The following A2ML1 variants were observed in gnomAD, a reference collection of about 807,000 sequenced individuals.
A2ML1 encodes alpha-2-macroglobulin-like protein 1.
A2ML1 carries 161 observed loss-of-function variants against 181.9 expected under a neutral mutation model. The observed-to-expected ratio is 0.89, with a 90% CI of 0.78 to 1.01. A2ML1 has a LOEUF of 1.01. Among genes scored for constraint, A2ML1 ranks in the 50% least tolerant of loss-of-function variants. The pLI, the probability that A2ML1 is intolerant of heterozygous loss-of-function variation, is 0.00. For missense variants in A2ML1, 1,670 were observed against 1,768.1 expected (o/e 0.94, Z 1.00); for synonymous variants, 663 against 666.8 (o/e 0.99, Z 0.09).
At chr12:8,832,564 G>C (rs1943151438) in intron 4 of A2ML1, among the ~76,000 whole-genome samples, 2 of 152,172 alleles carry the variant, frequency 1.3e-5, no homozygotes, top group Admixed American at 1.3e-4. Context: ...GATGGAGTCG[G>C]TTAGGTCTGA....
intron 7 of A2ML1, among the ~76,000 whole-genome samples, chr12:8,883,911 C>A (rs754425072): frequency 0.01 from 1,522 of 151,696 alleles, 28 homozygotes; most frequent in African/African-American, 0.035. Context: ...TCAGCCTCCC[C>A]AGTAGCTGAG....
chr12:8,824,729 C>T (rs10842352), intron 3 of A2ML1, among the ~76,000 whole-genome samples: 17 of 144,860 alleles, frequency 1.2e-4, no homozygotes, highest in Non-Finnish European at 1.5e-5. Context: ...AAATTTTTTT[C>T]CTTTTACCTT....
rs144563064 is a variant in A2ML1 at position 8,856,966 on chromosome 12, G to A, written c.2849-198G>A. ...TGTCCATGTTGGTCAGGCTGGTCTC[G>A]AACTCCTGACCTCAGGTGATCCACC... is the stretch of plus-strand genomic sequence containing the variant. On this transcript the variant is annotated intron_variant, in intron 23 of 35. Coordinates refer to ENST00000299698, the MANE Select transcript of A2ML1 (RefSeq NM_144670.6). Among the ~76,000 whole-genome samples the A allele has an allele frequency of 0.036, 5,137 of 142,702 alleles. 320 individuals carry two copies. Among genetic ancestry groups the A allele is most frequent in the African/African-American group, 0.12 (4,793 of 38,662 alleles). The allele number at this position is 142,702 out of a possible 152,430, so 93.6% of individuals were successfully genotyped here. A position where few individuals can be genotyped will look rare whatever the true frequency, so the allele number is the denominator to read the frequency against.
At chr12:8,822,941 G>A (rs1942791226) in intron 1 of A2ML1, among the ~76,000 whole-genome samples, 1 of 152,126 alleles carries the variant, frequency 6.6e-6, no homozygotes, top group African/African-American at 2.4e-5. Context: ...TTCTGAAATA[G>A]GCCTAATTTC....
Position 8,847,639 on chromosome 12 carries a change from C to G in A2ML1, c.1774C>G (p.Arg592Gly). 1 of 1,613,704 alleles carries G rather than the reference C, an allele frequency of 6.2e-7. No homozygotes were observed. The highest frequency in any genetic ancestry group is 8.5e-7 in the Non-Finnish European group (1 of 1,179,858). The change falls in exon 15 of 36, where the codon CGG becomes GGG. Residue 592 changes from arginine to glycine, a missense_variant. By Grantham distance (125) the Arg-to-Gly change is moderately radical (BLOSUM62 -2). Transcript: ENST00000299698. ...AGCTCCCGGATCCCTGTGTGCGCTCCGGGCGGTGGATGAGAGTGTCTTACT... is the reference window on the plus strand; with the variant it reads ...AGCTCCCGGATCCCTGTGTGCGCTCGGGGCGGTGGATGAGAGTGTCTTACT... ...QAAPGSLCAL[R>G]AVDESVLLLR...
chr12:8,828,315 A>G (rs1179216784), intron 3 of A2ML1, among the ~76,000 whole-genome samples: 1 of 152,152 alleles, frequency 6.6e-6, no homozygotes, highest in African/African-American at 2.4e-5. Context: ...CACCCAAGCC[A>G]TAAGACAAAG....
intron 18 of A2ML1, 22 bp downstream of exon 18, chr12:8,850,296 C>T (rs955619417): frequency 6.4e-7 from 1 of 1,574,344 alleles, no homozygotes; most frequent in Non-Finnish European, 8.7e-7. Context: ...CTCAAAAGTA[C>T]AGTAAAGGGC....
At chr12:8,839,701 A>G (rs1454336967) in intron 10 of A2ML1, among the ~76,000 whole-genome samples, 1 of 152,180 alleles carries the variant, frequency 6.6e-6, no homozygotes, top group East Asian at 1.9e-4. Flanking sequence ...TTTCCTTGAC[A>G]GCCATGTATA....
intron 18 of A2ML1, 148 bp downstream of exon 18, chr12:8,850,422 A>G: frequency 2.1e-6 from 1 of 468,010 alleles, no homozygotes; most frequent in Non-Finnish European, 3.7e-6. Context: ...CTGTCTCTAC[A>G]AAAGAAATTA....
downstream of A2ML1, among the ~76,000 whole-genome samples, chr12:8,887,387 G>A (rs1203544885): frequency 1.3e-5 from 2 of 152,146 alleles, no homozygotes; most frequent in Admixed American, 6.6e-5. Flanking sequence ...TGTAAGTTCT[G>A]TAAGCTCCTG....
At chr12:8,853,929 C>T (rs1049639272) in intron 20 of A2ML1, among the ~76,000 whole-genome samples, 199 bp from the exon 21 acceptor site, 1 of 152,160 alleles carries the variant, frequency 6.6e-6, no homozygotes, top group African/African-American at 2.4e-5. Context: ...TTACCTACCA[C>T]ACTGGACTAG....
At chr12:8,836,826 G>T (rs1345548541) in intron 7 of A2ML1, among the ~76,000 whole-genome samples, 11 of 151,760 alleles carry the variant, frequency 7.2e-5, no homozygotes, top group Non-Finnish European at 1.3e-4. Context: ...TTTTTCCATT[G>T]CTCACTCAGA....
At position 8,875,004 on chromosome 12, in the gene A2ML1, G is replaced by A. The variant is rs766628504; in HGVS notation, c.4358G>A (p.Cys1453Tyr). ...EQATIQYSDP[C>Y]E Reference sequence around the variant, plus strand: ...GCAACAATTCAGTATTCTGATCCCTGTGAATGAGGTAAGTCCAGCGGAGAA... The same window carrying A: ...GCAACAATTCAGTATTCTGATCCCTATGAATGAGGTAAGTCCAGCGGAGAA... Residue 1453 changes from cysteine to tyrosine, a missense_variant, in exon 35 of 36, where the codon TGT becomes TAT. By Grantham distance (194) the Cys-to-Tyr change is radical. Transcript: ENST00000299698. 45 of 1,614,080 alleles carry A rather than the reference G, an allele frequency of 2.8e-5. No homozygotes were observed. The highest frequency in any genetic ancestry group is 3.7e-5 in the Non-Finnish European group (44 of 1,179,966).
In A2ML1 at chr12:8,846,053, T is replaced by A. The variant is rs766123191; in HGVS notation, c.1538-24T>A. ...AGGTGAATGTGCATTCTGATTTTCC[T>A]GTATATTCCCTCTTCTCTTTCAGGA... is the stretch of plus-strand genomic sequence containing the variant. On this transcript the variant is annotated intron_variant, in intron 13 of 35. Coordinates refer to ENST00000299698, the MANE Select transcript of A2ML1 (RefSeq NM_144670.6). 6 of 1,612,658 alleles carry A rather than the reference T, an allele frequency of 3.7e-6. No homozygotes were observed. In the South Asian group the frequency reaches 6.6e-5, roughly 18 times the overall value.
chr12:8,880,318 A>G (rs1016205409), downstream of A2ML1, among the ~76,000 whole-genome samples: 1 of 152,116 alleles, frequency 6.6e-6, no homozygotes. Flanking sequence ...GTGAGCGGAG[A>G]TTGTAGCACT....
intron 7 of A2ML1, 54 bp downstream of exon 7, chr12:8,836,393 G>C: frequency 6.8e-7 from 1 of 1,472,222 alleles, no homozygotes; most frequent in South Asian, 1.2e-5. Context: ...CGAGAGACAT[G>C]ATGAGGGGAT....
Position 8,843,382 on chromosome 12 carries a change from C to T in A2ML1, c.1476+21C>T, listed in dbSNP as rs776623439. 48 of 1,607,692 alleles carry T rather than the reference C, an allele frequency of 3.0e-5. 1 individual carries two copies. The highest frequency in any genetic ancestry group is 8.8e-5 in the South Asian group (8 of 90,822). On this transcript the variant is annotated intron_variant, in intron 12 of 35. Coordinates refer to ENST00000299698, the MANE Select transcript of A2ML1 (RefSeq NM_144670.6). ...ACTATGTGAGACCGGGAAACGGGGA[C>T]GGGTGAGAGTATGCTGGGAAGGAAA...
At chr12:8,875,261 A>G (rs1400895981) in intron 35 of A2ML1, among the ~76,000 whole-genome samples, 1 of 151,578 alleles carries the variant, frequency 6.6e-6, no homozygotes, top group African/African-American at 2.4e-5. Flanking sequence ...TATTTTTAGT[A>G]GAGACAGAGT....
At chr12:8,850,333 C>A (rs1283899083) in intron 18 of A2ML1, 59 bp downstream of exon 18, 7 of 1,388,476 alleles carry the variant, frequency 5.0e-6, no homozygotes, top group Non-Finnish European at 6.9e-6. Context: ...GCCTGTAATC[C>A]CAACACTTTG....
Sources: allele counts gnomAD v4.1 joint callset (sites outside exome capture counted in the v4.1 genomes callset), GRCh38; gene constraint gnomAD v4.1.1; transcripts MANE v1.5; gene names NCBI Gene and HGNC (gene_info 2026-07-23, HGNC 2026-07-21).